The following GRAP2 variants were observed in gnomAD, a reference collection of about 807,000 sequenced individuals.
The protein encoded by GRAP2 is GRB2-related adapter protein 2.
GRAP2 carries 31 observed loss-of-function variants against 43.5 expected under a neutral mutation model. The observed-to-expected ratio is 0.71, with a 90% CI of 0.54 to 0.96. The LOEUF is 0.96. GRAP2 is among the 40% of genes least tolerant of loss of function. The pLI, the probability that GRAP2 is intolerant of heterozygous loss-of-function variation, is 0.00. For missense variants in GRAP2, 371 were observed against 424.4 expected (o/e 0.87, Z 1.11); for synonymous variants, 156 against 164.8 (o/e 0.95, Z 0.41).
chr22:39,953,900 A>G (rs1377699016), intron 2 of GRAP2, among the ~76,000 whole-genome samples: 1 of 152,236 alleles, frequency 6.6e-6, no homozygotes, highest in East Asian at 1.9e-4. Flanking sequence ...GGCATGAGCC[A>G]TCGCACCCAG....
chr22:39,936,264 C>T (rs944145844), intron 1 of GRAP2, among the ~76,000 whole-genome samples: 1 of 151,800 alleles, frequency 6.6e-6, no homozygotes, highest in Admixed American at 6.6e-5. Flanking sequence ...GGGTGGGGGG[C>T]GGTATTTTTA....
chr22:39,970,515 A>G (rs554105658), intron 7 of GRAP2, among the ~76,000 whole-genome samples: 6 of 152,286 alleles, frequency 3.9e-5, no homozygotes, highest in Non-Finnish European at 5.9e-5. Flanking sequence ...CAGGGAGTCT[A>G]TTGGGGCTTT....
At chr22:39,896,303 A>G (rs1164931341), upstream of GRAP2, among the ~76,000 whole-genome samples, 4 of 152,220 alleles carry the variant, frequency 2.6e-5, no homozygotes, top group South Asian at 6.2e-4. Flanking sequence ...ATATACTTTT[A>G]CATGTAATGT....
At position 39,930,749 on chromosome 22, in the gene GRAP2, A is replaced by T. The variant is rs1401654030; in HGVS notation, c.-14-16344A>T. On this transcript the variant is annotated intron_variant, in intron 1 of 7. Coordinates refer to ENST00000344138, the MANE Select transcript of GRAP2 (RefSeq NM_004810.4). ...TGGCATGCTTTCAATGTCCTCCATGATCTGCCCCCAGTCCAATCACTGATC... is the reference window on the plus strand; with the variant it reads ...TGGCATGCTTTCAATGTCCTCCATGTTCTGCCCCCAGTCCAATCACTGATC... Among the ~76,000 whole-genome samples the T allele has an allele frequency of 2.6e-5, 4 of 152,196 alleles. No individual in the cohort carries two copies. The South Asian group carries it at 8.3e-4, about 32-fold the overall frequency.
intron 1 of GRAP2, among the ~76,000 whole-genome samples, chr22:39,941,565 A>C (rs1202975005): frequency 6.6e-6 from 1 of 152,224 alleles, no homozygotes; most frequent in Non-Finnish European, 1.5e-5. Flanking sequence ...GCTAATTTAC[A>C]TTTTTACATG....
In GRAP2 at chr22:39,968,221, G is replaced by A. The variant is rs1399819372; in HGVS notation, c.639G>A (p.Gln213=). ...CGCAATATGCCCCAGCGCCCCAGCA[G>A]CTGCAGCAGCCCCCACAGCAGCGAT... The part of the protein sequence containing the change: ...QPPQYAPAPQ[Q]LQQPPQQRYL... The change falls in exon 6 of 8, where the codon CAG becomes CAA. Residue 213 remains glutamine, a synonymous_variant. Coordinates refer to ENST00000344138, the MANE Select transcript of GRAP2 (RefSeq NM_004810.4). 7 of 1,608,162 alleles carry A rather than the reference G, an allele frequency of 4.4e-6. No homozygotes were observed. In the African/African-American group the frequency reaches 8.0e-5, roughly 18 times the overall value.
At position 39,960,210 on chromosome 22, in the gene GRAP2, C is replaced by A. The variant is rs779548778; in HGVS notation, c.290+36C>A. The A allele has an allele frequency of 2.0e-5, 32 of 1,601,454 alleles. No homozygotes were observed. The South Asian group carries it at 3.1e-4, about 15-fold the overall frequency. On this transcript the variant is annotated intron_variant, in intron 4 of 7. Coordinates refer to ENST00000344138, the MANE Select transcript of GRAP2 (RefSeq NM_004810.4). ...TTCCTGACACTGCCTTGGCCCTTCT[C>A]GGCCTGTTAACCTCACAGAATGCTG...
chr22:39,924,429 G>A (rs1369832130), intron 1 of GRAP2, among the ~76,000 whole-genome samples: 2 of 152,152 alleles, frequency 1.3e-5, no homozygotes, highest in African/African-American at 2.4e-5. Flanking sequence ...GGTCGGGCGC[G>A]GTGGCTCATG....
At chr22:39,940,049 G>A (rs997819230) in intron 1 of GRAP2, among the ~76,000 whole-genome samples, 4 of 152,126 alleles carry the variant, frequency 2.6e-5, no homozygotes, top group African/African-American at 4.8e-5. Flanking sequence ...CAACTCCCAC[G>A]CCACCCTCTG....
intron 1 of GRAP2, among the ~76,000 whole-genome samples, chr22:39,909,638 A>T (rs1268131505): frequency 6.6e-6 from 1 of 152,208 alleles, no homozygotes; most frequent in Admixed American, 6.5e-5. Flanking sequence ...AGCAAAAAAA[A>T]CATTGGGTCC....
intron 3 of GRAP2, 73 bp from the exon 4 acceptor site, chr22:39,959,982 C>T (rs1013791256): frequency 1.4e-6 from 2 of 1,447,842 alleles, no homozygotes; most frequent in Non-Finnish European, 1.9e-6. Flanking sequence ...CTCTGGGTCA[C>T]CTCTTCTCCA....
rs182889237 is a variant in GRAP2 at position 39,949,708 on chromosome 22, T to A, written c.78+2524T>A. On this transcript the variant is annotated intron_variant, in intron 2 of 7. Transcript: ENST00000344138. ...TCTTCCTCAGCAAGTGGAGGTAGTA[T>A]CCATCTTGCCGGGTTGTGGAGAGGA... is the stretch of plus-strand genomic sequence containing the variant. 2.6e-3 allele frequency among the ~76,000 whole-genome samples: 390 copies of A among 152,240 alleles called. 2 individuals are homozygous for A. The highest frequency in any genetic ancestry group is 4.0e-3 in the Non-Finnish European group (272 of 68,014).
chr22:39,957,805 A>T (rs1201125212), intron 3 of GRAP2, among the ~76,000 whole-genome samples: 2 of 151,928 alleles, frequency 1.3e-5, no homozygotes, highest in Non-Finnish European at 1.5e-5. Context: ...TCGTGGTGGC[A>T]TGCGCCTATA....
chr22:39,924,993 T>G (rs2066685095), intron 1 of GRAP2, among the ~76,000 whole-genome samples: 1 of 152,188 alleles, frequency 6.6e-6, no homozygotes, highest in Non-Finnish European at 1.5e-5. Context: ...AGTCAGGAGC[T>G]AGAGTGAGTA....
intron 1 of GRAP2, among the ~76,000 whole-genome samples, chr22:39,943,470 G>C (rs975523192): frequency 1.3e-5 from 2 of 152,152 alleles, no homozygotes; most frequent in Non-Finnish European, 2.9e-5. Context: ...GGGTAAGCGA[G>C]AGAGGTGCAG....
Position 39,953,377 on chromosome 22 carries a change from G to C in GRAP2, c.79-2442G>C, listed in dbSNP as rs1337590481. 2.0e-5 allele frequency among the ~76,000 whole-genome samples: 3 copies of C among 152,282 alleles called. No individual in the cohort carries two copies. In the East Asian group the frequency reaches 5.8e-4, roughly 29 times the overall value. The stretch of plus-strand genomic sequence containing the variant: ...ACCACCTACTCAGTCTCCCAAGCCA[G>C]AAATCCAGTGGCATCCCAGAGTCCT... On this transcript the variant is annotated intron_variant, in intron 2 of 7. Transcript: ENST00000344138.
At chr22:39,934,368 C>T (rs1318985340) in intron 1 of GRAP2, among the ~76,000 whole-genome samples, 1 of 152,156 alleles carries the variant, frequency 6.6e-6, no homozygotes, top group Admixed American at 6.5e-5. Context: ...AACCAACTTG[C>T]ATGAATGAAG....
At chr22:39,913,700 T>A (rs1419975675) in intron 1 of GRAP2, among the ~76,000 whole-genome samples, 1 of 152,146 alleles carries the variant, frequency 6.6e-6, no homozygotes, top group Non-Finnish European at 1.5e-5. Flanking sequence ...GGATAAGAAA[T>A]GGAACAGAAC....
At chr22:39,944,529 G>T (rs1345897595) in intron 1 of GRAP2, among the ~76,000 whole-genome samples, 1 of 152,206 alleles carries the variant, frequency 6.6e-6, no homozygotes, top group African/African-American at 2.4e-5. Context: ...TAAAGAGTGG[G>T]CCTGTTTAGT....
Sources: allele counts gnomAD v4.1 joint callset (sites outside exome capture counted in the v4.1 genomes callset), GRCh38; gene constraint gnomAD v4.1.1; transcripts MANE v1.5; gene names NCBI Gene and HGNC (gene_info 2026-07-23, HGNC 2026-07-21).